COMMD10: variants seen among roughly 807,000 people sequenced by gnomAD.
COMMD10 encodes the protein COMM domain-containing protein 10.
COMMD10 carries 33 observed loss-of-function variants against 28.9 expected under a neutral mutation model. The observed-to-expected ratio is 1.14, with a 90% CI of 0.87 to 1.53. The LOEUF is 1.53. COMMD10 is among the 40% of genes most tolerant of loss of function. COMMD10 has a pLI of 0.00. For synonymous variants in COMMD10, 110 were observed against 81.7 expected (o/e 1.35, Z -1.87); for missense variants, 310 against 233.4 (o/e 1.33, Z -2.14).
At chr5:116,190,316 A>G (rs1748320041) in intron 5 of COMMD10, among the ~76,000 whole-genome samples, 1 of 152,174 alleles carries the variant, frequency 6.6e-6, no homozygotes, top group Admixed American at 6.5e-5. Flanking sequence ...TATGCAGCTA[A>G]AATATATGAT....
intron 5 of COMMD10, among the ~76,000 whole-genome samples, chr5:116,174,873 T>C (rs925503141): frequency 2.6e-5 from 4 of 152,190 alleles, no homozygotes; most frequent in Non-Finnish European, 5.9e-5. Context: ...TATAAAGAAA[T>C]GGTCAGTTTC....
At position 116,147,225 on chromosome 5, in the gene COMMD10, C is replaced by T. The variant is rs961215411; in HGVS notation, c.510+13047C>T. Among the ~76,000 whole-genome samples, 8 of 151,976 alleles carry T rather than the reference C, an allele frequency of 5.3e-5. No homozygotes were observed. In the East Asian group the frequency reaches 1.4e-3, roughly 26 times the overall value. On this transcript the variant is annotated intron_variant, in intron 5 of 6. Coordinates refer to ENST00000274458, the MANE Select transcript of COMMD10 (RefSeq NM_016144.4). ...GAACAGTCAATTTTAGTTACTTTAT[C>T]ATATGCTGGAGATTGATATTCATAA...
intron 5 of COMMD10, among the ~76,000 whole-genome samples, chr5:116,280,115 C>G (rs79196919): frequency 0.091 from 13,847 of 151,814 alleles, 833 homozygotes; most frequent in Non-Finnish European, 0.14. Flanking sequence ...TTTTCCTCAT[C>G]TATTAAATAA....
intron 5 of COMMD10, among the ~76,000 whole-genome samples, chr5:116,247,214 GAAA>G (rs1353035516): frequency 6.6e-6 from 1 of 151,978 alleles, no homozygotes; most frequent in Admixed American, 6.6e-5. Context: ...ACAGTCATAT[GAAA>G]AAAAGCTCAA....
At chr5:116,245,814 A>AC (rs58303750) in intron 5 of COMMD10, among the ~76,000 whole-genome samples, 17,053 of 152,128 alleles carry the variant, frequency 0.11, 1,377 homozygotes, top group African/African-American at 0.22. Context: ...CTCATAGCAA[A>AC]CTAGGTATTG....
At chr5:116,272,544 C>A (rs147176353) in intron 5 of COMMD10, among the ~76,000 whole-genome samples, 5 of 151,902 alleles carry the variant, frequency 3.3e-5, no homozygotes, top group African/African-American at 9.7e-5. Flanking sequence ...AACACTGTTG[C>A]CATAGCCTTT....
intron 5 of COMMD10, among the ~76,000 whole-genome samples, chr5:116,193,259 G>T (rs1335566814): frequency 6.6e-6 from 1 of 151,968 alleles, no homozygotes; most frequent in Non-Finnish European, 1.5e-5. Flanking sequence ...ACCTTAAAAA[G>T]CAAAAACAAA....
chr5:116,249,144 C>T (rs1373841980), intron 5 of COMMD10, among the ~76,000 whole-genome samples: 4 of 151,736 alleles, frequency 2.6e-5, no homozygotes, highest in African/African-American at 9.7e-5. Flanking sequence ...ATTCTTATTA[C>T]CTTGGTATAT....
chr5:116,227,335 A>G (rs1250917286), intron 5 of COMMD10, among the ~76,000 whole-genome samples: 4 of 151,964 alleles, frequency 2.6e-5, no homozygotes, highest in Non-Finnish European at 5.9e-5. Context: ...AATTCTGATA[A>G]CTTTCTGGTA....
chr5:116,157,944 T>C (rs1247409899), intron 5 of COMMD10, among the ~76,000 whole-genome samples: 1 of 151,012 alleles, frequency 6.6e-6, no homozygotes, highest in Admixed American at 6.6e-5. Context: ...CTTTACTTTT[T>C]TTTTTTTTTT....
intron 4 of COMMD10, among the ~76,000 whole-genome samples, chr5:116,116,702 GATTTTTTTTTTT>G (rs1470362264): frequency 7.5e-6 from 1 of 133,096 alleles, no homozygotes; most frequent in African/African-American, 2.6e-5. Context: ...AAAATGCAGA[GATTTTTTTTTTT>G]TTTTTTTTTT....
intron 5 of COMMD10, among the ~76,000 whole-genome samples, chr5:116,266,467 TG>T (rs1248435750): frequency 6.6e-6 from 1 of 151,788 alleles, no homozygotes; most frequent in Non-Finnish European, 1.5e-5. Context: ...TTATGGATAT[TG>T]TTTTTTACAT....
At chr5:116,121,736 G>T (rs1165159071) in intron 4 of COMMD10, among the ~76,000 whole-genome samples, 5 of 152,244 alleles carry the variant, frequency 3.3e-5, no homozygotes, top group Non-Finnish European at 1.5e-5. Context: ...GGCCAGTGAT[G>T]ATGAGCATTT....
chr5:116,267,893 C>T (rs1750636555), intron 5 of COMMD10, among the ~76,000 whole-genome samples: 1 of 151,914 alleles, frequency 6.6e-6, no homozygotes, highest in Non-Finnish European at 1.5e-5. Context: ...ACTGGCTAGC[C>T]ATATGTAGAA....
chr5:116,215,288 G>A (rs1749066683), intron 5 of COMMD10, among the ~76,000 whole-genome samples: 1 of 152,010 alleles, frequency 6.6e-6, no homozygotes, highest in African/African-American at 2.4e-5. Context: ...AGTATATAAA[G>A]TTTATATCAA....
At chr5:116,106,929 C>A (rs1750858580) in intron 4 of COMMD10, among the ~76,000 whole-genome samples, 1 of 152,078 alleles carries the variant, frequency 6.6e-6, no homozygotes, top group Non-Finnish European at 1.5e-5. Flanking sequence ...GACTCTTTAT[C>A]CAATTTGCCA....
intron 3 of COMMD10, among the ~76,000 whole-genome samples, chr5:116,092,073 T>C (rs1750315849): frequency 1.3e-5 from 2 of 152,150 alleles, no homozygotes; most frequent in Admixed American, 1.3e-4. Context: ...ACAGAACAGG[T>C]ATCAGTGTTA....
intron 4 of COMMD10, among the ~76,000 whole-genome samples, chr5:116,117,333 T>C (rs11746439): frequency 0.51 from 76,850 of 151,954 alleles, 22,061 homozygotes; most frequent in Non-Finnish European, 0.65. Flanking sequence ...GTCTGAGACT[T>C]CCTATTTAAG....
chr5:116,162,078 T>G (rs1338448680), intron 5 of COMMD10, among the ~76,000 whole-genome samples: 4 of 152,246 alleles, frequency 2.6e-5, no homozygotes, highest in Non-Finnish European at 5.9e-5. Flanking sequence ...CTCATTTGAT[T>G]TTAAAGTACA....
Sources: gnomAD v4.1 joint callset for allele counts (sites outside exome capture counted in the v4.1 genomes callset) on GRCh38, gnomAD v4.1.1 for gene constraint, MANE v1.5 for transcripts, NCBI Gene and HGNC (gene_info 2026-07-23, HGNC 2026-07-21) for gene names.